NCALD: variants seen among roughly 807,000 people sequenced by gnomAD.
The protein encoded by NCALD is neurocalcin-delta.
NCALD carries 10 observed loss-of-function variants against 18.6 expected under a neutral mutation model. The observed-to-expected ratio is 0.54, with a 90% confidence interval of 0.33 to 0.91. The LOEUF (loss-of-function observed/expected upper bound fraction) is 0.91, where lower values mean the gene tolerates loss of function less well. Among genes scored for constraint, NCALD ranks in the 40% least tolerant of loss-of-function variants. NCALD has a pLI of 0.03. For synonymous variants in NCALD, 88 were observed against 87.4 expected (o/e 1.01, Z -0.04); for missense variants, 184 against 247.6 (o/e 0.74, Z 1.72).
At chr8:101,716,139 C>T (rs1816066776) in intron 2 of NCALD, among the ~76,000 whole-genome samples, 1 of 151,900 alleles carries the variant, frequency 6.6e-6, no homozygotes, top group African/African-American at 2.4e-5. Context: ...TATGTAGCCA[C>T]AAAAAAAGAA....
At chr8:101,956,173 A>C (rs1474826135) in intron 2 of NCALD, among the ~76,000 whole-genome samples, 1 of 152,214 alleles carries the variant, frequency 6.6e-6, no homozygotes, top group Non-Finnish European at 1.5e-5. Flanking sequence ...ATGTAAAAGG[A>C]ACATTGCTTA....
chr8:101,979,728 T>C (rs929054216), intron 2 of NCALD, among the ~76,000 whole-genome samples: 12 of 152,222 alleles, frequency 7.9e-5, no homozygotes, highest in Non-Finnish European at 1.8e-4. Flanking sequence ...AGTTAGACTG[T>C]AACAGCTCAA....
Position 102,110,629 on chromosome 8 carries a change from T to A in NCALD, c.-210+13608A>T, listed in dbSNP as rs185457466. Among the ~76,000 whole-genome samples, 14 of 152,282 alleles carry A rather than the reference T, an allele frequency of 9.2e-5. No homozygotes were observed. In the East Asian group the frequency reaches 2.7e-3, roughly 29 times the overall value. ...CAATGCATGGTAAAAGAAGATGAAATCGACACAGTCTCACAACATGAATTG... is the reference window on the plus strand; with the variant it reads ...CAATGCATGGTAAAAGAAGATGAAAACGACACAGTCTCACAACATGAATTG... On this transcript the variant is annotated intron_variant, in intron 1 of 6. Transcript: ENST00000311028.
intron 1 of NCALD, among the ~76,000 whole-genome samples, chr8:102,068,456 C>T (rs1179928660): frequency 6.6e-6 from 1 of 152,220 alleles, no homozygotes; most frequent in Non-Finnish European, 1.5e-5. Flanking sequence ...GCTGTTTTCT[C>T]TGCCTAGAAT....
At chr8:101,901,579 CAG>C (rs1453135854) in intron 3 of NCALD, among the ~76,000 whole-genome samples, 13 of 151,982 alleles carry the variant, frequency 8.6e-5, no homozygotes, top group African/African-American at 3.1e-4. Flanking sequence ...CACAACTTAC[CAG>C]AGTGTATTGG....
intron 1 of NCALD, among the ~76,000 whole-genome samples, chr8:102,078,132 A>T (rs980570728): frequency 1.3e-5 from 2 of 152,020 alleles, no homozygotes; most frequent in Non-Finnish European, 2.9e-5. Context: ...ACAAATGGCC[A>T]CCCCATGCAA....
At chr8:101,826,002 C>T (rs1171922264) in intron 4 of NCALD, among the ~76,000 whole-genome samples, 1 of 152,226 alleles carries the variant, frequency 6.6e-6, no homozygotes, top group African/African-American at 2.4e-5. Flanking sequence ...AGGCTTGTCC[C>T]TTATGGCTTT....
chr8:102,015,112 A>G (rs1822038146), intron 2 of NCALD, among the ~76,000 whole-genome samples: 1 of 152,206 alleles, frequency 6.6e-6, no homozygotes, highest in Non-Finnish European at 1.5e-5. Context: ...AGACATCAGT[A>G]GTCCTTCTTT....
chr8:102,036,731 T>C (rs923408003), intron 1 of NCALD, among the ~76,000 whole-genome samples: 3 of 150,202 alleles, frequency 2.0e-5, no homozygotes, highest in Middle Eastern at 3.6e-3. Flanking sequence ...GCTGAGATCA[T>C]GCCACTGCAC....
In NCALD at chr8:101,809,972, G is replaced by T. The variant is rs140129448; in HGVS notation, c.-20+77169C>A. 4.3e-3 allele frequency among the ~76,000 whole-genome samples: 655 copies of T among 152,248 alleles called. 2 individuals are homozygous for T. Among genetic ancestry groups the T allele is most frequent in the Non-Finnish European group, 6.9e-3 (468 of 68,024 alleles). On this transcript the variant is annotated intron_variant, in intron 4 of 6. Transcript: ENST00000311028. ...AAATTCTATTTCTCTCTGTTCCAAA[G>T]AATGAGGAAGTAGGGCTGAGCAGAG...
chr8:101,861,582 G>T (rs1035723318), intron 4 of NCALD, among the ~76,000 whole-genome samples: 25 of 150,942 alleles, frequency 1.7e-4, no homozygotes, highest in Admixed American at 4.6e-4. Context: ...GCTCACCAAA[G>T]TATACAAGTG....
intron 1 of NCALD, among the ~76,000 whole-genome samples, chr8:102,097,807 G>A (rs1825152196): frequency 6.6e-6 from 1 of 152,088 alleles, no homozygotes; most frequent in Non-Finnish European, 1.5e-5. Flanking sequence ...AACTAAACAG[G>A]CCATTATTTC....
chr8:101,936,560 A>G (rs1818771480), intron 2 of NCALD, among the ~76,000 whole-genome samples: 1 of 152,206 alleles, frequency 6.6e-6, no homozygotes, highest in South Asian at 2.1e-4. Flanking sequence ...GTATGTAGTT[A>G]TTGGTAAGAG....
At chr8:101,887,977 T>G (rs1333495063) in intron 3 of NCALD, among the ~76,000 whole-genome samples, 2 of 152,196 alleles carry the variant, frequency 1.3e-5, no homozygotes, top group Non-Finnish European at 2.9e-5. Context: ...TAAAAATGGC[T>G]GTAGCAGTTC....
intron 3 of NCALD, among the ~76,000 whole-genome samples, chr8:101,896,548 C>G (rs1386262914): frequency 6.6e-6 from 1 of 151,716 alleles, no homozygotes; most frequent in Admixed American, 6.6e-5. Context: ...TTCTGCACAG[C>G]AAAAGAAACT....
chr8:101,853,358 G>A (rs541355949), intron 4 of NCALD, among the ~76,000 whole-genome samples: 2 of 152,098 alleles, frequency 1.3e-5, no homozygotes, highest in Non-Finnish European at 2.9e-5. Context: ...GGGATGAAAA[G>A]GCATTTGGGA....
intron 1 of NCALD, among the ~76,000 whole-genome samples, chr8:102,106,421 T>C (rs1825450304): frequency 6.7e-6 from 1 of 148,244 alleles, no homozygotes; most frequent in Admixed American, 6.7e-5. Flanking sequence ...TTTTACACAG[T>C]ACGTGTAAAA....
chr8:101,881,116 G>C (rs1220040651), intron 4 of NCALD, among the ~76,000 whole-genome samples: 1 of 151,848 alleles, frequency 6.6e-6, no homozygotes, highest in Non-Finnish European at 1.5e-5. Flanking sequence ...CAGTAAAAAG[G>C]AATTTCACTT....
chr8:102,048,364 C>T (rs768595451), intron 1 of NCALD, among the ~76,000 whole-genome samples: 1 of 152,190 alleles, frequency 6.6e-6, no homozygotes, highest in African/African-American at 2.4e-5. Context: ...ATTAGTGTCC[C>T]TTTGTCCATC....
Sources: gnomAD v4.1 joint callset for allele counts (sites outside exome capture counted in the v4.1 genomes callset) on GRCh38, gnomAD v4.1.1 for gene constraint, MANE v1.5 for transcripts, NCBI Gene and HGNC (gene_info 2026-07-23, HGNC 2026-07-21) for gene names.